Variants in AUTS2 observed in about 807,000 individuals in gnomAD.
The protein encoded by AUTS2 is activator of transcription and developmental regulator AUTS2, also known as autism susceptibility gene 2 protein.
A neutral mutation model predicts 112.4 loss-of-function variants in AUTS2; 17 were observed. The ratio of observed to expected loss-of-function variants is 0.15; its 90% CI spans 0.10 to 0.23. AUTS2 has a LOEUF of 0.23. Ranked by LOEUF, AUTS2 falls within the 10% of genes least tolerant of loss-of-function variation. AUTS2 has a pLI of 1.00. For synonymous variants in AUTS2, 751 were observed against 702.7 expected (o/e 1.07, Z -1.09); for missense variants, 1,510 against 1,701.6 (o/e 0.89, Z 1.98).
At chr7:69,974,995 T>G (rs1347160733) in intron 2 of AUTS2, among the ~76,000 whole-genome samples, 2 of 152,044 alleles carry the variant, frequency 1.3e-5, no homozygotes, top group Non-Finnish European at 2.9e-5. Context: ...AAAATAGAAC[T>G]TCCTTTAGCC....
chr7:69,741,744 A>G (rs1335584806), intron 1 of AUTS2, among the ~76,000 whole-genome samples: 1 of 151,756 alleles, frequency 6.6e-6, no homozygotes, highest in Admixed American at 6.6e-5. Flanking sequence ...ACCTTGGATA[A>G]TACAAGTGAC....
At chr7:70,749,515 C>A (rs1788669425) in intron 6 of AUTS2, among the ~76,000 whole-genome samples, 1 of 152,158 alleles carries the variant, frequency 6.6e-6, no homozygotes, top group South Asian at 2.1e-4. Context: ...TCAAAACTTA[C>A]TTAGAAAAAA....
In AUTS2 at chr7:70,271,682, A is replaced by G. The variant is rs527265040; in HGVS notation, c.660+137111A>G. ...CTGTTTCTTTGAATGGGGTTGCCCA[A>G]TCTTTCATCAAAGAAACACATCACC... is the stretch of plus-strand genomic sequence containing the variant. On this transcript the variant is annotated intron_variant, in intron 4 of 18. Transcript: ENST00000342771. 5.1e-4 allele frequency among the ~76,000 whole-genome samples: 78 copies of G among 152,334 alleles called. 1 individual carries two copies. The South Asian group carries it at 0.016, about 31-fold the overall frequency.
At chr7:70,191,352 T>C (rs1344873626) in intron 4 of AUTS2, among the ~76,000 whole-genome samples, 1 of 151,888 alleles carries the variant, frequency 6.6e-6, no homozygotes, top group Non-Finnish European at 1.5e-5. Context: ...TTTGTATTTT[T>C]AGTAGAGACG....
intron 1 of AUTS2, among the ~76,000 whole-genome samples, chr7:69,600,930 C>T (rs1792368879): frequency 6.6e-6 from 1 of 151,120 alleles, no homozygotes; most frequent in African/African-American, 2.4e-5. Flanking sequence ...TGGGCACCTG[C>T]AGCGTTGATT....
At chr7:69,983,629 C>T (rs966992167) in intron 2 of AUTS2, among the ~76,000 whole-genome samples, 1 of 151,954 alleles carries the variant, frequency 6.6e-6, no homozygotes, top group African/African-American at 2.4e-5. Context: ...TTACGTGTTG[C>T]CTGTTAAATT....
chr7:70,247,663 C>T (rs913474663), intron 4 of AUTS2, among the ~76,000 whole-genome samples: 6 of 152,172 alleles, frequency 3.9e-5, no homozygotes, highest in South Asian at 2.1e-4. Context: ...TTTTGCAGCT[C>T]GTCTAGATTT....
At chr7:70,128,615 TTG>T (rs1806103336) in intron 3 of AUTS2, among the ~76,000 whole-genome samples, 1 of 152,168 alleles carries the variant, frequency 6.6e-6, no homozygotes, top group African/African-American at 2.4e-5. Flanking sequence ...GAAAAATGGC[TTG>T]TGTGGCTACA....
chr7:70,269,765 A>AT (rs1428340877), intron 4 of AUTS2, among the ~76,000 whole-genome samples: 1 of 152,208 alleles, frequency 6.6e-6, no homozygotes, highest in Non-Finnish European at 1.5e-5. Flanking sequence ...CTCATAGCCC[A>AT]TAACAGCAAA....
chr7:70,786,765 G>C (rs746412225), intron 17 of AUTS2, among the ~76,000 whole-genome samples: 3 of 152,158 alleles, frequency 2.0e-5, no homozygotes, highest in Non-Finnish European at 4.4e-5. Context: ...GTGAGGGCAA[G>C]GTCCTGTCTG....
intron 4 of AUTS2, among the ~76,000 whole-genome samples, chr7:70,389,935 A>G (rs1005512761): frequency 1.3e-5 from 2 of 152,218 alleles, no homozygotes; most frequent in Admixed American, 6.5e-5. Context: ...GAATTTTTCT[A>G]AAGCCTATCT....
At chr7:69,670,400 C>G (rs1796262967) in intron 1 of AUTS2, among the ~76,000 whole-genome samples, 1 of 151,862 alleles carries the variant, frequency 6.6e-6, no homozygotes, top group African/African-American at 2.4e-5. Context: ...TTTGAGACAC[C>G]AGCTGAACTT....
At chr7:70,175,686 C>A (rs1032240709) in intron 4 of AUTS2, among the ~76,000 whole-genome samples, 1 of 152,116 alleles carries the variant, frequency 6.6e-6, no homozygotes, top group East Asian at 1.9e-4. Flanking sequence ...TTATGACTTG[C>A]CAAAGGATAC....
intron 4 of AUTS2, among the ~76,000 whole-genome samples, chr7:70,147,472 G>A (rs1014681647): frequency 1.3e-5 from 2 of 152,008 alleles, no homozygotes; most frequent in Non-Finnish European, 2.9e-5. Context: ...TGTTTATTTT[G>A]CATTGTTATC....
At chr7:69,724,971 G>A (rs1786436882) in intron 1 of AUTS2, among the ~76,000 whole-genome samples, 1 of 152,144 alleles carries the variant, frequency 6.6e-6, no homozygotes, top group African/African-American at 2.4e-5. Flanking sequence ...GTCATCAAAG[G>A]TAGGATTTTT....
intron 5 of AUTS2, among the ~76,000 whole-genome samples, chr7:70,525,888 G>A (rs1563016290): frequency 6.6e-6 from 1 of 152,214 alleles, no homozygotes; most frequent in South Asian, 2.1e-4. Flanking sequence ...GGAAACAGGA[G>A]CATTCTGGAC....
intron 6 of AUTS2, among the ~76,000 whole-genome samples, chr7:70,725,253 C>G (rs1324178704): frequency 6.6e-6 from 1 of 152,034 alleles, no homozygotes; most frequent in Non-Finnish European, 1.5e-5. Context: ...AGTGAGTGCC[C>G]TGGCTGAACA....
intron 2 of AUTS2, 138 bp downstream of exon 2, chr7:69,899,636 G>A: frequency 3.9e-6 from 3 of 774,770 alleles, no homozygotes; most frequent in Non-Finnish European, 6.2e-6. Flanking sequence ...AAAGCTGTGT[G>A]CGTGCCTTTA....
intron 2 of AUTS2, among the ~76,000 whole-genome samples, chr7:70,097,359 C>G (rs955590930): frequency 3.3e-5 from 5 of 152,122 alleles, no homozygotes; most frequent in Non-Finnish European, 4.4e-5. Context: ...TGGTGGGTGA[C>G]ATTTTCTTAA....
Sources: gnomAD v4.1 joint callset for allele counts (sites outside exome capture counted in the v4.1 genomes callset) on GRCh38, gnomAD v4.1.1 for gene constraint, MANE v1.5 for transcripts, NCBI Gene and HGNC (gene_info 2026-07-23, HGNC 2026-07-21) for gene names.